Variants in ASIC2 observed in about 807,000 individuals in gnomAD.
The protein encoded by ASIC2 is acid sensing ion channel subunit 2.
Under a neutral mutation model 57.3 loss-of-function variants are expected in ASIC2, and 25 were observed. The observed-to-expected ratio is 0.44, with a 90% CI of 0.32 to 0.61. The LOEUF is 0.61. Among genes scored for constraint, ASIC2 ranks in the 20% least tolerant of loss-of-function variants. The pLI is 0.06. For missense variants in ASIC2, 641 were observed against 738.1 expected, an observed-to-expected ratio of 0.87 and a Z score of 1.52; for synonymous variants, 319 against 307.5, an observed-to-expected ratio of 1.04 and a Z score of -0.39.
chr17:34,011,003 C>CACACACACATAG (rs754792304), intron 1 of ASIC2, among the ~76,000 whole-genome samples: 16,546 of 58,726 alleles, frequency 0.28, 1,979 homozygotes, highest in Admixed American at 0.35. Flanking sequence ...GTCAGACACA[C>CACACACACATAG]ACACACACAG....
chr17:33,097,779 T>C (rs540754247), intron 2 of ASIC2, among the ~76,000 whole-genome samples: 1 of 152,310 alleles, frequency 6.6e-6, no homozygotes, highest in South Asian at 2.1e-4. Flanking sequence ...ACAGCGACAG[T>C]AACACGGACC....
chr17:33,744,143 C>T (rs1910192317), intron 1 of ASIC2, among the ~76,000 whole-genome samples: 1 of 152,172 alleles, frequency 6.6e-6, no homozygotes, highest in Non-Finnish European at 1.5e-5. Flanking sequence ...AATAACTCCT[C>T]TTATTAAGAG....
At chr17:33,646,576 T>A (rs1490712316) in intron 1 of ASIC2, among the ~76,000 whole-genome samples, 1 of 152,200 alleles carries the variant, frequency 6.6e-6, no homozygotes, top group Non-Finnish European at 1.5e-5. Flanking sequence ...ACTTCTGTAT[T>A]TTGTATAGAA....
intron 1 of ASIC2, among the ~76,000 whole-genome samples, chr17:33,476,544 GGTGTGT>G (rs59467363): frequency 0.2 from 20,619 of 104,094 alleles, 1,715 homozygotes; most frequent in Middle Eastern, 0.32. Flanking sequence ...TATGTACAGG[GGTGTGT>G]GTGTGTGTGT....
At chr17:34,087,264 G>A (rs1015462223) in intron 1 of ASIC2, among the ~76,000 whole-genome samples, 3 of 151,838 alleles carry the variant, frequency 2.0e-5, no homozygotes, top group African/African-American at 7.3e-5. Context: ...GCATTTGCTT[G>A]TCTGTAAAGT....
intron 1 of ASIC2, among the ~76,000 whole-genome samples, chr17:33,770,917 A>G (rs1235739502): frequency 6.6e-6 from 1 of 152,132 alleles, no homozygotes; most frequent in African/African-American, 2.4e-5. Context: ...GCACAAAGGA[A>G]CATTCATTGT....
intron 1 of ASIC2, among the ~76,000 whole-genome samples, chr17:33,802,611 C>A (rs1285560003): frequency 6.6e-6 from 1 of 152,246 alleles, no homozygotes; most frequent in Non-Finnish European, 1.5e-5. Context: ...AACATAGCAA[C>A]TCCCAGTCTG....
chr17:33,473,282 C>A (rs1380597077), intron 1 of ASIC2, among the ~76,000 whole-genome samples: 1 of 152,226 alleles, frequency 6.6e-6, no homozygotes, highest in African/African-American at 2.4e-5. Flanking sequence ...CATCCAAGCA[C>A]TAAATCCACC....
chr17:33,405,586 C>A (rs1910445002), intron 1 of ASIC2, among the ~76,000 whole-genome samples: 1 of 150,854 alleles, frequency 6.6e-6, no homozygotes, highest in Non-Finnish European at 1.5e-5. Flanking sequence ...TGGGTTCAAG[C>A]AATTCTCCCG....
intron 3 of ASIC2, among the ~76,000 whole-genome samples, chr17:33,038,369 A>G (rs1318543078): frequency 6.6e-6 from 1 of 152,208 alleles, no homozygotes; most frequent in African/African-American, 2.4e-5. Context: ...GTTTCTTGTG[A>G]TAATGACTCC....
At chr17:33,254,616 C>T (rs956164123) in intron 1 of ASIC2, among the ~76,000 whole-genome samples, 9 of 152,128 alleles carry the variant, frequency 5.9e-5, no homozygotes, top group African/African-American at 1.9e-4. Flanking sequence ...CTCTATTCAT[C>T]CTTCAGAAGG....
intron 1 of ASIC2, among the ~76,000 whole-genome samples, chr17:33,116,628 C>T (rs1374958070): frequency 6.6e-6 from 1 of 152,064 alleles, no homozygotes; most frequent in Non-Finnish European, 1.5e-5. Context: ...ACCTGGATCT[C>T]CAGGAATGGT....
At chr17:34,034,319 T>G (rs576994969) in intron 1 of ASIC2, among the ~76,000 whole-genome samples, 28 of 152,312 alleles carry the variant, frequency 1.8e-4, no homozygotes, top group African/African-American at 6.3e-4. Flanking sequence ...CAACCCTTCA[T>G]GCTAAAAACT....
At chr17:33,858,507 G>A (rs1421646706) in intron 1 of ASIC2, among the ~76,000 whole-genome samples, 1 of 152,218 alleles carries the variant, frequency 6.6e-6, no homozygotes, top group Non-Finnish European at 1.5e-5. Context: ...GCTGGGGTTA[G>A]CGGGAGCAGC....
chr17:33,720,660 T>C (rs1298844629), intron 1 of ASIC2, among the ~76,000 whole-genome samples: 1 of 152,236 alleles, frequency 6.6e-6, no homozygotes, highest in African/African-American at 2.4e-5. Flanking sequence ...GATAGCATTG[T>C]TGAGGTAACT....
intron 1 of ASIC2, among the ~76,000 whole-genome samples, chr17:33,196,360 A>AATGTCAAGGTAACCTACAGCAAAAG (rs1308179618): frequency 6.6e-6 from 1 of 152,130 alleles, no homozygotes; most frequent in Non-Finnish European, 1.5e-5. Flanking sequence ...CTTCTAGAAG[A>AATGTCAAGGTAACCTACAGCAAAAG]ATGTCAAGGT....
intron 1 of ASIC2, among the ~76,000 whole-genome samples, chr17:33,717,674 A>G (rs891042647): frequency 6.6e-6 from 1 of 152,034 alleles, no homozygotes; most frequent in Non-Finnish European, 1.5e-5. Context: ...CCCTGCTAAG[A>G]GAGAAGAGCC....
intron 6 of ASIC2, 145 bp downstream of exon 6, chr17:33,023,716 C>T (rs535885471): frequency 1.3e-5 from 14 of 1,091,264 alleles, no homozygotes; most frequent in South Asian, 1.1e-4. Context: ...GAACATGGAG[C>T]GCAGAGCGTG....
intron 1 of ASIC2, among the ~76,000 whole-genome samples, chr17:33,192,043 C>G (rs559479381): frequency 6.6e-6 from 1 of 152,210 alleles, no homozygotes; most frequent in Non-Finnish European, 1.5e-5. Context: ...TTTCCTCTTT[C>G]TTCTCTCTCT....
Sources: allele counts gnomAD v4.1 joint callset (sites outside exome capture counted in the v4.1 genomes callset), GRCh38; gene constraint gnomAD v4.1.1; transcripts MANE v1.5; gene names NCBI Gene and HGNC (gene_info 2026-07-23, HGNC 2026-07-21).